The following CDH4 variants were observed in gnomAD, a reference collection of about 807,000 sequenced individuals.
CDH4 encodes the protein cadherin 4.
A neutral mutation model predicts 86.0 loss-of-function variants in CDH4; 33 were observed. That is an observed-to-expected ratio of 0.38 (90% CI 0.29 to 0.51). CDH4 has a LOEUF of 0.51. Ranked by LOEUF, CDH4 falls within the 20% of genes least tolerant of loss-of-function variation. The pLI, the probability that CDH4 is intolerant of heterozygous loss-of-function variation, is 0.86. For synonymous variants in CDH4, 555 were observed against 549.4 expected, an observed-to-expected ratio of 1.01 and a Z score of -0.14; for missense variants, 1,114 against 1,307.4, an observed-to-expected ratio of 0.85 and a Z score of 2.28.
intron 4 of CDH4, among the ~76,000 whole-genome samples, chr20:61,794,036 G>A (rs111806525): frequency 0.046 from 6,920 of 149,908 alleles, 248 homozygotes; most frequent in Middle Eastern, 0.081. Context: ...CCAGCTACTC[G>A]GGAGGCTGAG....
chr20:61,909,114 C>G (rs1197098580), intron 8 of CDH4, among the ~76,000 whole-genome samples: 1 of 152,222 alleles, frequency 6.6e-6, no homozygotes, highest in Non-Finnish European at 1.5e-5. Context: ...AACATTCTGC[C>G]CCTAACAGTG....
At position 61,795,582 on chromosome 20, in the gene CDH4, A is replaced by G. The variant is rs1381967729; in HGVS notation, c.576+22400A>G. 2.0e-5 allele frequency among the ~76,000 whole-genome samples: 3 copies of G among 152,288 alleles called. No homozygotes were observed. The East Asian group carries it at 5.8e-4, about 29-fold the overall frequency. On this transcript the variant is annotated intron_variant, in intron 4 of 15. Transcript: ENST00000614565. ...CAGGGGAAGAGAGGCGTGAGCAGAA[A>G]ACAGAACAAAAAGGCATCATCCCCT...
intron 4 of CDH4, among the ~76,000 whole-genome samples, chr20:61,817,616 G>C (rs1241057645): frequency 6.6e-6 from 1 of 152,150 alleles, no homozygotes; most frequent in Non-Finnish European, 1.5e-5. Context: ...TCCCACGTGT[G>C]CTTTCTTCCA....
rs28434364 is a variant in CDH4, at chr20:61,565,204, C to A, written c.170-178359C>A. On this transcript the variant is annotated intron_variant, in intron 2 of 15. Transcript: ENST00000614565. Reference sequence around the variant, plus strand: ...TGGTGGTGGTCCTCTTGGTGGTGGTCGCGGTGCTCTCGGTGGTAGGTGGTG... The same window carrying A: ...TGGTGGTGGTCCTCTTGGTGGTGGTAGCGGTGCTCTCGGTGGTAGGTGGTG... 1.2e-3 allele frequency among the ~76,000 whole-genome samples: 62 copies of A among 50,292 alleles called. 6 individuals carry two copies. The highest frequency in any genetic ancestry group is 5.2e-3 in the African/African-American group (41 of 7,826). 33.0% of individuals were successfully genotyped at this position (50,292 alleles called of 152,430 possible). A position where few individuals can be genotyped will look rare whatever the true frequency, so the allele number is the denominator to read the frequency against.
intron 2 of CDH4, among the ~76,000 whole-genome samples, chr20:61,424,047 ACT>A (rs1465335514): frequency 3.9e-5 from 6 of 151,992 alleles, no homozygotes; most frequent in East Asian, 1.9e-4. Flanking sequence ...ATATCCACAC[ACT>A]CATATATACA....
chr20:61,835,519 C>T (rs1420035629), intron 4 of CDH4, among the ~76,000 whole-genome samples: 1 of 152,066 alleles, frequency 6.6e-6, no homozygotes, highest in Non-Finnish European at 1.5e-5. Flanking sequence ...TAATGATTCA[C>T]AGCTGGACAC....
intron 7 of CDH4, among the ~76,000 whole-genome samples, chr20:61,883,736 G>A (rs1384342239): frequency 6.6e-6 from 1 of 152,100 alleles, no homozygotes; most frequent in Admixed American, 6.5e-5. Flanking sequence ...CCCCAGGGAG[G>A]AGCCCCCAGC....
intron 2 of CDH4, among the ~76,000 whole-genome samples, chr20:61,334,510 G>GCA (rs199904866): frequency 6.6e-6 from 1 of 151,684 alleles, no homozygotes; most frequent in Non-Finnish European, 1.5e-5. Flanking sequence ...GGCCGGGGGG[G>GCA]CTGGGATCAA....
chr20:61,602,694 T>TAAAAAAAAAA (rs10641053), intron 2 of CDH4, among the ~76,000 whole-genome samples: 7 of 89,126 alleles, frequency 7.9e-5, no homozygotes, highest in Admixed American at 2.9e-4. Context: ...TTCACTTTAT[T>TAAAAAAAAAA]AAAAAAAAAA....
At chr20:61,654,251 C>T (rs1038712865) in intron 2 of CDH4, among the ~76,000 whole-genome samples, 48 of 151,980 alleles carry the variant, frequency 3.2e-4, no homozygotes, top group African/African-American at 1.0e-3. Context: ...AGCGAAACCC[C>T]GTCTCCACCA....
At chr20:61,674,714 A>G (rs973716641) in intron 2 of CDH4, among the ~76,000 whole-genome samples, 1 of 152,254 alleles carries the variant, frequency 6.6e-6, no homozygotes, top group Non-Finnish European at 1.5e-5. Context: ...AAAATTGTTC[A>G]TGCGAAATCT....
At chr20:61,284,001 G>A (rs2084279332) in intron 2 of CDH4, among the ~76,000 whole-genome samples, 2 of 152,114 alleles carry the variant, frequency 1.3e-5, no homozygotes, top group South Asian at 4.1e-4. Flanking sequence ...GAGAGGCTGA[G>A]CACTTAAAAA....
At chr20:61,314,484 G>C (rs978419840) in intron 2 of CDH4, among the ~76,000 whole-genome samples, 1 of 152,188 alleles carries the variant, frequency 6.6e-6, no homozygotes, top group Non-Finnish European at 1.5e-5. Flanking sequence ...TTGTGTGTAC[G>C]TGTGTAGACC....
chr20:61,279,280 T>C (rs1234880424), intron 2 of CDH4, among the ~76,000 whole-genome samples: 1 of 152,222 alleles, frequency 6.6e-6, no homozygotes, highest in African/African-American at 2.4e-5. Context: ...TGGGGCTTCC[T>C]GGACTCCCTC....
chr20:61,799,299 AGCT>A (rs1285631825), intron 4 of CDH4, among the ~76,000 whole-genome samples: 1 of 152,234 alleles, frequency 6.6e-6, no homozygotes, highest in Non-Finnish European at 1.5e-5. Flanking sequence ...GGCGAAACCC[AGCT>A]GCTACCTCCA....
chr20:61,353,376 C>T (rs1471592218), intron 2 of CDH4, among the ~76,000 whole-genome samples: 30 of 152,074 alleles, frequency 2.0e-4, no homozygotes, highest in Admixed American at 2.0e-3. Flanking sequence ...TAGCAATCTC[C>T]AGCGATGTGC....
intron 8 of CDH4, among the ~76,000 whole-genome samples, chr20:61,897,713 A>G (rs1202843900): frequency 6.6e-6 from 1 of 152,132 alleles, no homozygotes; most frequent in East Asian, 1.9e-4. Context: ...TGCTTTTCCA[A>G]TGGCTAAGCA....
At chr20:61,871,987 C>T (rs921718623) in intron 6 of CDH4, among the ~76,000 whole-genome samples, 2 of 152,154 alleles carry the variant, frequency 1.3e-5, no homozygotes, top group Non-Finnish European at 2.9e-5. Flanking sequence ...GGGTGGAAGG[C>T]CAGAGTGGCG....
intron 9 of CDH4, among the ~76,000 whole-genome samples, chr20:61,920,664 G>T (rs557097568): frequency 1.2e-3 from 183 of 150,576 alleles, no homozygotes; most frequent in Non-Finnish European, 1.3e-4. Context: ...GTGTCACAGT[G>T]ACTGCATGGA....
Sources: allele counts gnomAD v4.1 joint callset (sites outside exome capture counted in the v4.1 genomes callset), GRCh38; gene constraint gnomAD v4.1.1; transcripts MANE v1.5; gene names NCBI Gene and HGNC (gene_info 2026-07-23, HGNC 2026-07-21).